The following AFG2A variants were observed in gnomAD, a reference collection of about 807,000 sequenced individuals.
AFG2A encodes AAA ATPase AFG2A, also known as ATPase family gene 2 protein homolog A.
the AFG2A span, among the ~76,000 whole-genome samples, chr4:122,958,639 T>G: frequency 6.6e-6 from 1 of 152,234 alleles, no homozygotes; most frequent in Non-Finnish European, 1.5e-5. Flanking sequence ...CAAGAGTTTC[T>G]GATTCAGTAG....
the AFG2A span, among the ~76,000 whole-genome samples, chr4:122,992,345 T>C: frequency 6.6e-6 from 1 of 152,262 alleles, no homozygotes; most frequent in African/African-American, 2.4e-5. Context: ...TCATGAGCTC[T>C]GGAGTGATTA....
At chr4:123,157,337 A>G in the AFG2A span, among the ~76,000 whole-genome samples, 2 of 151,976 alleles carry the variant, frequency 1.3e-5, no homozygotes, top group Non-Finnish European at 2.9e-5. Context: ...ACAAGCTTTT[A>G]TTCATCATAA....
the AFG2A span, among the ~76,000 whole-genome samples, chr4:123,295,017 T>C: frequency 1.3e-5 from 2 of 152,238 alleles, no homozygotes; most frequent in African/African-American, 4.8e-5. Context: ...CCATGATTGC[T>C]GCTTCTGACA....
At chr4:122,969,595 G>A in the AFG2A span, among the ~76,000 whole-genome samples, 1 of 152,118 alleles carries the variant, frequency 6.6e-6, no homozygotes, top group Non-Finnish European at 1.5e-5. Flanking sequence ...AAATCAATGT[G>A]TCGGGTTCTT....
chr4:122,931,648 C>T, the AFG2A span, among the ~76,000 whole-genome samples: 1 of 152,196 alleles, frequency 6.6e-6, no homozygotes, highest in Admixed American at 6.5e-5. Context: ...AGGGACTTGC[C>T]TGAGGTGCTA....
the AFG2A span, among the ~76,000 whole-genome samples, chr4:122,987,053 C>T: frequency 2.0e-5 from 3 of 152,138 alleles, no homozygotes; most frequent in Admixed American, 6.5e-5. Flanking sequence ...AATGAATTGA[C>T]TCTTATCATT....
the AFG2A span, among the ~76,000 whole-genome samples, chr4:123,104,448 A>G: frequency 6.6e-6 from 1 of 152,178 alleles, no homozygotes; most frequent in Non-Finnish European, 1.5e-5. Flanking sequence ...GAATAACCCT[A>G]CAATGATTTC....
chr4:123,132,651 A>G, the AFG2A span, among the ~76,000 whole-genome samples: 30 of 144,220 alleles, frequency 2.1e-4, no homozygotes, highest in African/African-American at 7.3e-4. Flanking sequence ...CACACATCAC[A>G]TTTTCTTTAT....
the AFG2A span, among the ~76,000 whole-genome samples, chr4:123,234,042 A>G: frequency 0.024 from 3,579 of 152,188 alleles, 73 homozygotes; most frequent in African/African-American, 0.056. Context: ...AAATAAGCAC[A>G]CGTCTTACAT....
At chr4:123,296,045 A>G in the AFG2A span, among the ~76,000 whole-genome samples, 5 of 152,340 alleles carry the variant, frequency 3.3e-5, no homozygotes, top group South Asian at 1.0e-3. Flanking sequence ...AATAACAGAA[A>G]TAGGATAGCA....
chr4:123,258,454 T>C, the AFG2A span, among the ~76,000 whole-genome samples: 1 of 152,342 alleles, frequency 6.6e-6, no homozygotes, highest in Admixed American at 6.5e-5. Flanking sequence ...TAACAAGCAC[T>C]TGATAAACTG....
chr4:123,078,718 C>T, the AFG2A span, among the ~76,000 whole-genome samples: 7 of 152,042 alleles, frequency 4.6e-5, no homozygotes, highest in Admixed American at 4.6e-4. Flanking sequence ...CTTTGGATTC[C>T]TAGGACCCAC....
At chr4:123,073,575 A>G in the AFG2A span, among the ~76,000 whole-genome samples, 1 of 152,092 alleles carries the variant, frequency 6.6e-6, no homozygotes, top group South Asian at 2.1e-4. Flanking sequence ...ATCTCTTTTT[A>G]TGTGTTTGTT....
the AFG2A span, among the ~76,000 whole-genome samples, chr4:123,005,202 G>A: frequency 2.0e-5 from 3 of 152,018 alleles, no homozygotes; most frequent in African/African-American, 7.3e-5. Flanking sequence ...CCAGGCTGGA[G>A]TGCAATGGCA....
At chr4:123,193,108 A>G in the AFG2A span, among the ~76,000 whole-genome samples, 8 of 152,212 alleles carry the variant, frequency 5.3e-5, no homozygotes, top group South Asian at 1.0e-3. Context: ...TGAAGCTTCT[A>G]GTACAACTTT....
the AFG2A span, among the ~76,000 whole-genome samples, chr4:123,206,953 G>A: frequency 6.7e-6 from 1 of 148,266 alleles, no homozygotes; most frequent in Non-Finnish European, 1.5e-5. Flanking sequence ...GTGGAAAATT[G>A]GGCTTTCTTA....
At chr4:123,199,656 G>A in the AFG2A span, among the ~76,000 whole-genome samples, 3 of 151,850 alleles carry the variant, frequency 2.0e-5, no homozygotes, top group South Asian at 4.2e-4. Flanking sequence ...ATTTTTAGTA[G>A]AGACGGGGTT....
the AFG2A span, among the ~76,000 whole-genome samples, chr4:123,010,921 C>G: frequency 1.3e-5 from 2 of 152,232 alleles, no homozygotes; most frequent in African/African-American, 2.4e-5. Flanking sequence ...GTAGCACATT[C>G]AACATTCAGG....
chr4:123,220,632 A>C, the AFG2A span, among the ~76,000 whole-genome samples: 1 of 151,482 alleles, frequency 6.6e-6, no homozygotes, highest in Non-Finnish European at 1.5e-5. Context: ...AAAAAAAAAA[A>C]AAAAACCTGG....
Sources: gnomAD v4.1 joint callset for allele counts (sites outside exome capture counted in the v4.1 genomes callset) on GRCh38, gnomAD v4.1.1 for gene constraint, MANE v1.5 for transcripts, NCBI Gene and HGNC (gene_info 2026-07-23, HGNC 2026-07-21) for gene names.